The following PLCB1 variants were observed in gnomAD, a reference collection of about 807,000 sequenced individuals.
PLCB1 encodes the protein phospholipase C beta 1, also known as 1-phosphatidylinositol 4,5-bisphosphate phosphodiesterase beta-1.
PLCB1 carries 46 observed loss-of-function variants against 161.8 expected under a neutral mutation model. The observed-to-expected ratio is 0.28, with a 90% CI of 0.22 to 0.36. The LOEUF is 0.36. Ranked by LOEUF, PLCB1 falls within the 10% of genes least tolerant of loss-of-function variation. The probability of loss-of-function intolerance (pLI) is 1.00; values close to 1 mark genes in which losing one functional copy is unlikely to be tolerated. For synonymous variants in PLCB1, 517 were observed against 503.7 expected, an observed-to-expected ratio of 1.03 and a Z score of -0.35; for missense variants, 1,016 against 1,472.5, an observed-to-expected ratio of 0.69 and a Z score of 5.07.
intron 3 of PLCB1, among the ~76,000 whole-genome samples, chr20:8,374,456 C>G (rs998817035): frequency 6.6e-6 from 1 of 152,176 alleles, no homozygotes; most frequent in Non-Finnish European, 1.5e-5. Flanking sequence ...GGGTCCTTTT[C>G]CATCTTCAGG....
At chr20:8,732,868 T>C (rs982788573) in intron 18 of PLCB1, among the ~76,000 whole-genome samples, 12 of 140,040 alleles carry the variant, frequency 8.6e-5, no homozygotes, top group Non-Finnish European at 1.5e-4. Flanking sequence ...ATATTAGATA[T>C]ATTATATTAT....
At chr20:8,395,510 A>G (rs1297349710) in intron 3 of PLCB1, among the ~76,000 whole-genome samples, 1 of 152,098 alleles carries the variant, frequency 6.6e-6, no homozygotes, top group Non-Finnish European at 1.5e-5. Context: ...TAAAGTCAAT[A>G]ATGCTTTCAA....
intron 2 of PLCB1, among the ~76,000 whole-genome samples, chr20:8,241,356 G>C (rs956684876): frequency 6.6e-6 from 1 of 151,850 alleles, no homozygotes; most frequent in Non-Finnish European, 1.5e-5. Flanking sequence ...CTAAGCATTT[G>C]GTTAACCTCA....
chr20:8,806,238 G>A (rs1009442039), intron 31 of PLCB1, among the ~76,000 whole-genome samples: 6 of 152,082 alleles, frequency 3.9e-5, no homozygotes, highest in African/African-American at 7.2e-5. Context: ...GTCACTGAGA[G>A]GTGGGCAGCT....
At chr20:8,736,781 A>C (rs959145293) in intron 19 of PLCB1, among the ~76,000 whole-genome samples, 1 of 152,158 alleles carries the variant, frequency 6.6e-6, no homozygotes, top group African/African-American at 2.4e-5. Flanking sequence ...CCCATAATCC[A>C]ATCACCCTCC....
At chr20:8,416,624 A>G (rs1979282704) in intron 3 of PLCB1, among the ~76,000 whole-genome samples, 1 of 152,122 alleles carries the variant, frequency 6.6e-6, no homozygotes, top group South Asian at 2.1e-4. Flanking sequence ...CTTGTAAAAG[A>G]TTCTGTAGAT....
intron 2 of PLCB1, among the ~76,000 whole-genome samples, chr20:8,169,430 C>G (rs932005268): frequency 6.6e-6 from 1 of 152,176 alleles, no homozygotes; most frequent in African/African-American, 2.4e-5. Flanking sequence ...TGAGATAACA[C>G]ATCTGAAACA....
intron 31 of PLCB1, among the ~76,000 whole-genome samples, chr20:8,855,877 G>T (rs6118356): frequency 0.26 from 39,037 of 152,054 alleles, 5,575 homozygotes; most frequent in Middle Eastern, 0.39. Flanking sequence ...CCACAGACTG[G>T]TTATTTTTTA....
chr20:8,416,990 CACA>C, intron 3 of PLCB1, among the ~76,000 whole-genome samples: 1 of 123,830 alleles, frequency 8.1e-6, no homozygotes, highest in Non-Finnish European at 1.6e-5. Flanking sequence ...CAGCTGTAAA[CACA>C]TATATATGTA....
chr20:8,844,245 G>A (rs1430272927), intron 31 of PLCB1, among the ~76,000 whole-genome samples: 1 of 152,184 alleles, frequency 6.6e-6, no homozygotes, highest in African/African-American at 2.4e-5. Context: ...TGGCACAATT[G>A]CTAATGTGGT....
chr20:8,785,636 G>A (rs1983446811), intron 27 of PLCB1, among the ~76,000 whole-genome samples: 1 of 152,096 alleles, frequency 6.6e-6, no homozygotes, highest in African/African-American at 2.4e-5. Flanking sequence ...GGAACTTCTG[G>A]GGAGTCTGGA....
intron 3 of PLCB1, 42 bp from the exon 4 acceptor site, chr20:8,628,252 T>TTA: frequency 6.8e-7 from 1 of 1,473,060 alleles, no homozygotes; most frequent in Non-Finnish European, 9.5e-7. Flanking sequence ...CACGTTGGAA[T>TTA]CTCTAGTTAT....
intron 2 of PLCB1, chr20:8,249,493 T>A (rs1981039492): frequency 6.6e-6 from 1 of 151,968 alleles, no homozygotes; most frequent in Admixed American, 6.6e-5. Flanking sequence ...AAAGAAAACT[T>A]TGCCTGAAGC....
Position 8,765,367 on chromosome 20 carries a change from A to C in PLCB1, c.2930+9A>C, listed in dbSNP as rs563246927. 6.3e-7 allele frequency: 1 copy of C among 1,588,434 alleles called. No individual in the cohort carries two copies. The highest frequency in any genetic ancestry group is 2.2e-5 in the East Asian group (1 of 44,758). ...AAGGACAGTAAGAAAAAGTAAGTTC[A>C]ATGAATATTTTTAGTTGGTTTCATA... On this transcript the variant is annotated intron_variant, in intron 26 of 31. Transcript: ENST00000338037.
At chr20:8,869,869 T>C (rs1243173241) in intron 31 of PLCB1, among the ~76,000 whole-genome samples, 2 of 152,138 alleles carry the variant, frequency 1.3e-5, no homozygotes, top group Non-Finnish European at 2.9e-5. Flanking sequence ...TCTAGGATAA[T>C]TTGGGGTATG....
chr20:8,590,694 C>A (rs1302707526), intron 3 of PLCB1, among the ~76,000 whole-genome samples: 8 of 152,118 alleles, frequency 5.3e-5, no homozygotes, highest in Non-Finnish European at 2.9e-5. Context: ...TCAAAGGCAG[C>A]AAGATTAGGC....
At chr20:8,602,060 T>A (rs560632776) in intron 3 of PLCB1, among the ~76,000 whole-genome samples, 2 of 152,308 alleles carry the variant, frequency 1.3e-5, no homozygotes, top group African/African-American at 4.8e-5. Context: ...TAATGTATTT[T>A]CCATTGGGCA....
chr20:8,827,291 A>G (rs988727576), intron 31 of PLCB1, among the ~76,000 whole-genome samples: 13 of 152,160 alleles, frequency 8.5e-5, no homozygotes, highest in African/African-American at 3.1e-4. Context: ...CAGTATAGGT[A>G]TTTGCATTTG....
intron 3 of PLCB1, among the ~76,000 whole-genome samples, chr20:8,455,432 C>CTTTTTTTT (rs1175763739): frequency 1.1e-4 from 8 of 74,166 alleles, no homozygotes; most frequent in Admixed American, 2.0e-4. Flanking sequence ...TATTCTTCCT[C>CTTTTTTTT]TTTTTTTTTT....
Sources: gnomAD v4.1 joint callset for allele counts (sites outside exome capture counted in the v4.1 genomes callset) on GRCh38, gnomAD v4.1.1 for gene constraint, MANE v1.5 for transcripts, NCBI Gene and HGNC (gene_info 2026-07-23, HGNC 2026-07-21) for gene names.